ZNF469: variants seen among roughly 807,000 people sequenced by gnomAD.
ZNF469 encodes zinc finger protein 469.
Under a neutral mutation model 1.0 loss-of-function variants are expected in ZNF469, and 1 was observed. The observed-to-expected ratio is 1.00, with a 90% confidence interval of 0.35 to 4.73. The LOEUF is 4.73. Ranked by LOEUF, ZNF469 falls within the 30% of genes most tolerant of loss-of-function variation. ZNF469 has a pLI of 0.16. For missense variants in ZNF469, 6,100 were observed against 5,356.3 expected, an observed-to-expected ratio of 1.14 and a Z score of -4.33; for synonymous variants, 2,703 against 2,363.4, an observed-to-expected ratio of 1.14 and a Z score of -4.17.
chr16:88,135,761 T>A, the ZNF469 span, among the ~76,000 whole-genome samples: 2 of 137,544 alleles, frequency 1.5e-5, no homozygotes, highest in African/African-American at 5.2e-5. Flanking sequence ...TTTTTTTTTT[T>A]TTTTTTTTTT....
At chr16:88,228,852 C>G in the ZNF469 span, among the ~76,000 whole-genome samples, 2 of 152,150 alleles carry the variant, frequency 1.3e-5, no homozygotes, top group African/African-American at 4.8e-5. Flanking sequence ...GCAACACACA[C>G]CAGTTTGGCC....
chr16:88,182,068 G>C, the ZNF469 span, among the ~76,000 whole-genome samples: 1 of 152,172 alleles, frequency 6.6e-6, no homozygotes, highest in Non-Finnish European at 1.5e-5. Flanking sequence ...AAAACCAATT[G>C]TATTTCCATA....
chr16:88,168,905 G>A, the ZNF469 span, among the ~76,000 whole-genome samples: 12 of 151,456 alleles, frequency 7.9e-5, no homozygotes, highest in Non-Finnish European at 1.3e-4. The surrounding 1 kb of genome is among the most constrained non-coding windows in gnomAD (Gnocchi z 4.3). Flanking sequence ...AGACCAGCCT[G>A]GACAACATAG....
chr16:88,200,104 C>T, the ZNF469 span, among the ~76,000 whole-genome samples: 3,465 of 146,280 alleles, frequency 0.024, 152 homozygotes, highest in African/African-American at 0.081. Context: ...TGACAGGTGA[C>T]GGGAGGAGTG....
the ZNF469 span, among the ~76,000 whole-genome samples, chr16:88,222,725 C>G: frequency 2.6e-5 from 4 of 151,942 alleles, no homozygotes; most frequent in African/African-American, 9.7e-5. Context: ...CCATTGCACC[C>G]CAGCCTGGGC....
At position 88,437,667 on chromosome 16, in the gene ZNF469, G is replaced by C. The variant is rs1021576165; in HGVS notation, c.10197G>C (p.Thr3399=). 2.6e-6 allele frequency: 4 copies of C among 1,548,174 alleles called. No individual in the cohort carries two copies. Among genetic ancestry groups the C allele is most frequent in the Non-Finnish European group, 3.5e-6 (4 of 1,145,458 alleles). ...TGGAGCGGCCGGAGCTGCAGCACAC[G>C]CCGCTGTATGCCTGCGAGCTCTGCG... ...GLLERPELQH[T]PLYACELCAT... The change falls in exon 3 of 3, where the codon ACG becomes ACC. Residue 3399 remains threonine (T), a synonymous_variant. Transcript: ENST00000565624.
chr16:88,173,645 G>C, the ZNF469 span, among the ~76,000 whole-genome samples: 1 of 152,052 alleles, frequency 6.6e-6, no homozygotes, highest in South Asian at 2.1e-4. Context: ...ATTTATTTTG[G>C]GGTTTATAGT....
chr16:88,216,419 G>A, the ZNF469 span, among the ~76,000 whole-genome samples: 31 of 151,842 alleles, frequency 2.0e-4, no homozygotes, highest in African/African-American at 6.8e-4. Context: ...GCGTGAACCC[G>A]GGAGGCAGAG....
the ZNF469 span, among the ~76,000 whole-genome samples, chr16:88,181,227 C>T: frequency 1.4e-4 from 22 of 152,254 alleles, no homozygotes; most frequent in African/African-American, 3.4e-4. Context: ...CCCGCCACCA[C>T]GCCTGGCTAA....
the ZNF469 span, among the ~76,000 whole-genome samples, chr16:88,189,092 C>T: frequency 3.9e-5 from 6 of 152,184 alleles, no homozygotes; most frequent in Admixed American, 2.6e-4. The surrounding 1 kb of genome is among the most constrained non-coding windows in gnomAD (Gnocchi z 4.3). Flanking sequence ...TGCTTATACA[C>T]TGGCCTTCTG....
chr16:88,108,908 C>G, the ZNF469 span, among the ~76,000 whole-genome samples: 8 of 152,152 alleles, frequency 5.3e-5, no homozygotes, highest in African/African-American at 1.4e-4. Context: ...TCAGATGACT[C>G]CAGCAAAGAC....
the ZNF469 span, among the ~76,000 whole-genome samples, chr16:88,342,954 C>T: frequency 6.6e-6 from 1 of 152,206 alleles, no homozygotes; most frequent in Non-Finnish European, 1.5e-5. Flanking sequence ...CAAGGCTGGG[C>T]TCAAGTCCTT....
chr16:88,396,576 C>A (rs923216159), intron 1 of ZNF469, among the ~76,000 whole-genome samples: 1 of 149,678 alleles, frequency 6.7e-6, no homozygotes. Flanking sequence ...CAGATGGAGA[C>A]CCTCCTGAAG....
At chr16:88,408,671 C>T (rs752948600) in intron 1 of ZNF469, among the ~76,000 whole-genome samples, 26 of 152,204 alleles carry the variant, frequency 1.7e-4, no homozygotes, top group Admixed American at 3.3e-4. Flanking sequence ...CTTCCGGAAT[C>T]GTCTCTCCCT....
the ZNF469 span, among the ~76,000 whole-genome samples, chr16:88,362,110 A>G: frequency 6.6e-6 from 1 of 152,076 alleles, no homozygotes; most frequent in Non-Finnish European, 1.5e-5. Flanking sequence ...GTTCTTTTCA[A>G]TGTTGCTTTG....
chr16:88,111,958 A>G, the ZNF469 span, among the ~76,000 whole-genome samples: 2 of 152,010 alleles, frequency 1.3e-5, no homozygotes, highest in Non-Finnish European at 2.9e-5. Flanking sequence ...TTTTCTTTCC[A>G]TCCCTTGATT....
chr16:88,392,084 T>TACATACA (rs1904506658), intron 1 of ZNF469, among the ~76,000 whole-genome samples: 1 of 152,214 alleles, frequency 6.6e-6, no homozygotes, highest in Non-Finnish European at 1.5e-5. Context: ...GGAGCCACAT[T>TACATACA]TAAAAATATG....
At chr16:88,167,800 G>T in the ZNF469 span, among the ~76,000 whole-genome samples, 1 of 152,252 alleles carries the variant, frequency 6.6e-6, no homozygotes, top group Non-Finnish European at 1.5e-5. Context: ...AGCAGCTGTT[G>T]TGTAACAGAG....
the ZNF469 span, among the ~76,000 whole-genome samples, chr16:88,203,493 G>A: frequency 1.3e-5 from 2 of 152,158 alleles, no homozygotes; most frequent in Non-Finnish European, 2.9e-5. Flanking sequence ...AAATGACGGT[G>A]GGGGCGGGGA....
Sources: gnomAD v4.1 joint callset for allele counts (sites outside exome capture counted in the v4.1 genomes callset) on GRCh38, gnomAD v4.1.1 for gene constraint, Gnocchi (gnomAD v3.1) non-coding constraint, MANE v1.5 for transcripts, NCBI Gene and HGNC (gene_info 2026-07-23, HGNC 2026-07-21) for gene names.